The following DGKB variants were observed in gnomAD, a reference collection of about 807,000 sequenced individuals.
DGKB encodes the protein 90 kDa diacylglycerol kinase.
DGKB carries 67 observed loss-of-function variants against 114.3 expected under a neutral mutation model. The observed-to-expected ratio is 0.59, with a 90% CI of 0.48 to 0.72. The LOEUF (loss-of-function observed/expected upper bound fraction) is 0.72, where lower values mean the gene tolerates loss of function less well. DGKB is among the 30% of genes least tolerant of loss of function. DGKB has a pLI of 0.00. For missense variants in DGKB, 907 were observed against 975.2 expected (o/e 0.93, Z 0.93); for synonymous variants, 398 against 323.1 (o/e 1.23, Z -2.49).
Position 14,817,645 on chromosome 7 carries a change from G to A in DGKB, c.70+23549C>T, listed in dbSNP as rs959882967. Among the ~76,000 whole-genome samples, 4 of 152,110 alleles carry A rather than the reference G, an allele frequency of 2.6e-5. No individual in the cohort carries two copies. The East Asian group carries it at 7.7e-4, about 29-fold the overall frequency. On this transcript the variant is annotated intron_variant, in intron 2 of 25. Transcript: ENST00000402815. Reference sequence around the variant, plus strand: ...TTACTCATTTTTAGAATTTGAATAAGAGTTAGGTCTTTTAATTAACATACA... The same window carrying A: ...TTACTCATTTTTAGAATTTGAATAAAAGTTAGGTCTTTTAATTAACATACA...
At chr7:14,874,916 T>TC (rs1479765340) in intron 1 of DGKB, among the ~76,000 whole-genome samples, 2 of 152,098 alleles carry the variant, frequency 1.3e-5, no homozygotes, top group Admixed American at 6.5e-5. Flanking sequence ...TATCTTCCCT[T>TC]CCCAAACTCT....
intron 1 of DGKB, among the ~76,000 whole-genome samples, chr7:14,931,766 G>A (rs1785030193): frequency 6.7e-6 from 1 of 150,038 alleles, no homozygotes; most frequent in African/African-American, 2.4e-5. Flanking sequence ...CTAAGTCCTG[G>A]ATTATAAGAT....
At chr7:14,856,006 C>T (rs866089798) in intron 1 of DGKB, among the ~76,000 whole-genome samples, 1 of 24,706 alleles carries the variant, frequency 4.0e-5, no homozygotes, top group Non-Finnish European at 5.9e-5. Context: ...TATATATACA[C>T]ACACACACAC....
At chr7:14,528,825 T>A (rs369597225) in intron 20 of DGKB, among the ~76,000 whole-genome samples, 22 of 152,190 alleles carry the variant, frequency 1.4e-4, no homozygotes, top group African/African-American at 5.3e-4. Context: ...AATACAGAAG[T>A]GCCACTGTGC....
chr7:14,523,899 G>A (rs941502199), intron 20 of DGKB, among the ~76,000 whole-genome samples: 2 of 152,102 alleles, frequency 1.3e-5, no homozygotes, highest in Non-Finnish European at 2.9e-5. Context: ...ATCTTATTGA[G>A]GGGTTACAGT....
intron 23 of DGKB, among the ~76,000 whole-genome samples, chr7:14,333,507 AT>A (rs1461971758): frequency 6.6e-6 from 1 of 150,600 alleles, no homozygotes; most frequent in African/African-American, 2.4e-5. Context: ...TAATGGATCT[AT>A]TTTGAGGAAG....
intron 21 of DGKB, among the ~76,000 whole-genome samples, chr7:14,398,677 T>C (rs1469411360): frequency 6.6e-6 from 1 of 151,810 alleles, no homozygotes; most frequent in Non-Finnish European, 1.5e-5. Flanking sequence ...AGAGCCAGAA[T>C]AGAGATTAGA....
chr7:14,202,250 A>C (rs974797790), intron 23 of DGKB, among the ~76,000 whole-genome samples: 1 of 151,910 alleles, frequency 6.6e-6, no homozygotes, highest in Non-Finnish European at 1.5e-5. Flanking sequence ...TTTCTTACTG[A>C]TACAATTTTA....
intron 12 of DGKB, among the ~76,000 whole-genome samples, chr7:14,673,398 T>C (rs967026702): frequency 1.7e-4 from 18 of 103,866 alleles, no homozygotes; most frequent in Middle Eastern, 5.3e-3. Context: ...TGCCTGTGTA[T>C]GCTTTTTTTT....
At chr7:14,155,197 C>T (rs1248704962) in intron 25 of DGKB, among the ~76,000 whole-genome samples, 1 of 152,052 alleles carries the variant, frequency 6.6e-6, no homozygotes, top group Non-Finnish European at 1.5e-5. Flanking sequence ...GAATGAAAGT[C>T]CCTTTTTCTA....
At chr7:14,172,375 A>C (rs1781128731) in intron 25 of DGKB, among the ~76,000 whole-genome samples, 1 of 152,138 alleles carries the variant, frequency 6.6e-6, no homozygotes, top group Non-Finnish European at 1.5e-5. Flanking sequence ...GGAAATATTG[A>C]TGTGGTTTTG....
At chr7:14,537,054 C>T (rs189331039) in intron 20 of DGKB, among the ~76,000 whole-genome samples, 1 of 152,030 alleles carries the variant, frequency 6.6e-6, no homozygotes, top group African/African-American at 2.4e-5. Flanking sequence ...ATCAGAAATA[C>T]CGTCCCATTT....
intron 2 of DGKB, among the ~76,000 whole-genome samples, chr7:14,766,995 C>T (rs893885187): frequency 1.3e-5 from 2 of 151,150 alleles, no homozygotes; most frequent in African/African-American, 4.9e-5. Context: ...AAAAAATAAA[C>T]CCAGAGTGAG....
At chr7:14,942,368 A>T (rs1277075350) in intron 1 of DGKB, among the ~76,000 whole-genome samples, 1 of 152,006 alleles carries the variant, frequency 6.6e-6, no homozygotes, top group African/African-American at 2.4e-5. Flanking sequence ...GATACATCTT[A>T]ATTTAATAGT....
chr7:14,778,357 T>G (rs999351679), intron 2 of DGKB, among the ~76,000 whole-genome samples: 2 of 146,688 alleles, frequency 1.4e-5, no homozygotes, highest in African/African-American at 5.4e-5. Flanking sequence ...TGTTTTCTTG[T>G]TTTTTTTTCA....
At chr7:14,399,654 T>C (rs1822786436) in intron 21 of DGKB, among the ~76,000 whole-genome samples, 2 of 151,812 alleles carry the variant, frequency 1.3e-5, no homozygotes, top group African/African-American at 4.8e-5. Flanking sequence ...TAGCCTGAGA[T>C]AAAAGAAAAC....
intron 25 of DGKB, chr7:14,176,344 T>TG: frequency 1.0e-6 from 1 of 984,838 alleles, no homozygotes; most frequent in East Asian, 1.1e-4. Context: ...TACCTCATTC[T>TG]GGAAAACACA....
intron 21 of DGKB, among the ~76,000 whole-genome samples, chr7:14,365,025 A>G (rs190086170): frequency 6.6e-6 from 1 of 151,966 alleles, no homozygotes; most frequent in Admixed American, 6.6e-5. Context: ...TTTTCTTTTG[A>G]AACTTACCAC....
At chr7:14,324,660 A>G (rs557163681) in intron 23 of DGKB, among the ~76,000 whole-genome samples, 4 of 152,294 alleles carry the variant, frequency 2.6e-5, no homozygotes, top group African/African-American at 9.6e-5. Flanking sequence ...TACATTTTAT[A>G]AGAACCTAGA....
Sources: gnomAD v4.1 joint callset for allele counts (sites outside exome capture counted in the v4.1 genomes callset) on GRCh38, gnomAD v4.1.1 for gene constraint, MANE v1.5 for transcripts, NCBI Gene and HGNC (gene_info 2026-07-23, HGNC 2026-07-21) for gene names.